Variants in RALYL observed in about 807,000 individuals in gnomAD.
RALYL encodes the protein RNA-binding Raly-like protein.
RALYL carries 29 observed loss-of-function variants against 35.1 expected under a neutral mutation model. That is an observed-to-expected ratio of 0.83 (90% CI 0.61 to 1.13). The LOEUF (loss-of-function observed/expected upper bound fraction) is 1.13. RALYL is among the 50% of genes most tolerant of loss of function. The probability of loss-of-function intolerance (pLI) is 0.00; values close to 1 mark genes in which losing one functional copy is unlikely to be tolerated. For synonymous variants in RALYL, 120 were observed against 127.6 expected, an observed-to-expected ratio of 0.94 and a Z score of 0.40; for missense variants, 359 against 360.4, an observed-to-expected ratio of 1.00 and a Z score of 0.03.
At chr8:84,808,329 T>G (rs965029608) in intron 4 of RALYL, among the ~76,000 whole-genome samples, 3 of 152,210 alleles carry the variant, frequency 2.0e-5, no homozygotes, top group East Asian at 3.9e-4. Flanking sequence ...TTTGGGTTTA[T>G]TTCTGGGTTC....
intron 1 of RALYL, among the ~76,000 whole-genome samples, chr8:84,482,537 C>T (rs185441943): frequency 2.8e-4 from 42 of 152,106 alleles, no homozygotes; most frequent in African/African-American, 9.6e-4. Flanking sequence ...TAAAAAATCT[C>T]CATTAGTCTG....
intron 4 of RALYL, among the ~76,000 whole-genome samples, chr8:84,848,669 A>G (rs1835182806): frequency 6.6e-6 from 1 of 152,182 alleles, no homozygotes; most frequent in African/African-American, 2.4e-5. Flanking sequence ...TAATGAGTAT[A>G]AAGTTTCTGT....
chr8:84,863,036 T>C (rs1838437012), intron 6 of RALYL, among the ~76,000 whole-genome samples: 2 of 152,186 alleles, frequency 1.3e-5, no homozygotes, highest in African/African-American at 4.8e-5. Context: ...ACTAAACACA[T>C]TGCTAAATTT....
At chr8:84,815,187 T>C (rs997912728) in intron 4 of RALYL, among the ~76,000 whole-genome samples, 3 of 152,156 alleles carry the variant, frequency 2.0e-5, no homozygotes, top group Admixed American at 6.6e-5. Context: ...GAGACCAGGA[T>C]AGATGCAAAG....
chr8:84,654,269 C>CCA (rs1829458060), intron 2 of RALYL, among the ~76,000 whole-genome samples: 1 of 29,414 alleles, frequency 3.4e-5, no homozygotes, highest in South Asian at 1.4e-3. Flanking sequence ...ATCTCATGTT[C>CCA]CATATATATA....
chr8:84,449,078 GTT>G (rs1554671924), intron 1 of RALYL, among the ~76,000 whole-genome samples: 28 of 124,200 alleles, frequency 2.3e-4, no homozygotes, highest in Admixed American at 4.0e-4. Flanking sequence ...TAGTTTTTTT[GTT>G]TTTTTTTTTT....
At chr8:84,529,005 A>G (rs1037386664) in intron 1 of RALYL, among the ~76,000 whole-genome samples, 5 of 152,162 alleles carry the variant, frequency 3.3e-5, no homozygotes, top group Admixed American at 6.5e-5. Flanking sequence ...CTTTTGCAAA[A>G]TAGTTAGACT....
At chr8:84,262,983 C>A (rs1832600488) in intron 1 of RALYL, among the ~76,000 whole-genome samples, 1 of 152,062 alleles carries the variant, frequency 6.6e-6, no homozygotes, top group African/African-American at 2.4e-5. Flanking sequence ...GATTAAATTT[C>A]ATTATTGAAC....
chr8:84,421,619 T>C (rs1189152370), intron 1 of RALYL, among the ~76,000 whole-genome samples: 1 of 132,220 alleles, frequency 7.6e-6, no homozygotes, highest in Non-Finnish European at 1.6e-5. Flanking sequence ...CATCCCTGTC[T>C]TGTGCCAGTT....
rs559211501 is a variant in RALYL at position 84,502,232 on chromosome 8, A to G, written c.-23-27067A>G. Among the ~76,000 whole-genome samples the G allele has an allele frequency of 2.4e-3, 359 of 152,140 alleles. 2 individuals carry two copies. Among genetic ancestry groups the G allele is most frequent in the Non-Finnish European group, 2.6e-3 (178 of 67,910 alleles). ...AATCTTTACATATATGTGTGTGTAT[A>G]TATATCTATGACTATATAATATCTT... On this transcript the variant is annotated intron_variant, in intron 1 of 8. Transcript: ENST00000521268.
intron 1 of RALYL, among the ~76,000 whole-genome samples, chr8:84,390,775 C>T (rs1007661559): frequency 2.6e-5 from 4 of 151,828 alleles, no homozygotes; most frequent in Non-Finnish European, 5.9e-5. Flanking sequence ...GATGACTGAG[C>T]CCATGGAAAC....
Position 84,757,437 on chromosome 8 carries a change from G to A in RALYL, c.257-17142G>A, listed in dbSNP as rs80084443. The stretch of plus-strand genomic sequence containing the variant: ...TTCAAATTCTTGGGAAAAAACTGCC[G>A]ATGTGCAGTTTGTATATCTCTTATA... On this transcript the variant is annotated intron_variant, in intron 2 of 8. Coordinates refer to ENST00000521268, the MANE Select transcript of RALYL (RefSeq NM_173848.7). Among the ~76,000 whole-genome samples the A allele has an allele frequency of 3.7e-3, 568 of 152,216 alleles. 23 individuals are homozygous for A. In the East Asian group the frequency reaches 0.095, roughly 25 times the overall value.
intron 2 of RALYL, chr8:84,705,891 T>C: frequency 6.8e-7 from 1 of 1,466,514 alleles, no homozygotes; most frequent in Non-Finnish European, 9.0e-7. Flanking sequence ...GGTATTACCC[T>C]GGCTTTCACT....
intron 2 of RALYL, among the ~76,000 whole-genome samples, chr8:84,568,807 A>T (rs1405643656): frequency 7.5e-5 from 11 of 146,666 alleles, no homozygotes; most frequent in African/African-American, 2.5e-4. Flanking sequence ...GCCAGTGATG[A>T]TGAGCATTTT....
chr8:84,781,049 G>A (rs1043473256), intron 3 of RALYL, among the ~76,000 whole-genome samples: 1 of 151,990 alleles, frequency 6.6e-6, no homozygotes, highest in Non-Finnish European at 1.5e-5. Flanking sequence ...TTTTAGTAGA[G>A]ACAGGATTTC....
chr8:84,672,358 G>A (rs1833428936), intron 2 of RALYL, among the ~76,000 whole-genome samples: 1 of 152,024 alleles, frequency 6.6e-6, no homozygotes, highest in Non-Finnish European at 1.5e-5. Context: ...CTTGTCTTAT[G>A]AGCCTTCCAA....
intron 6 of RALYL, among the ~76,000 whole-genome samples, chr8:84,864,164 CAT>C (rs1838683603): frequency 6.6e-6 from 1 of 151,664 alleles, no homozygotes; most frequent in African/African-American, 2.4e-5. Context: ...GTAAATCACA[CAT>C]GAGGTTTAAT....
At chr8:84,301,096 CA>C (rs1244447096) in intron 1 of RALYL, among the ~76,000 whole-genome samples, 3 of 151,974 alleles carry the variant, frequency 2.0e-5, no homozygotes, top group African/African-American at 7.2e-5. Flanking sequence ...ATTTCCTTAG[CA>C]TTTGCTTTTC....
In RALYL at chr8:84,606,068, G is replaced by T. The variant is rs891475076; in HGVS notation, c.256+76491G>T. Among the ~76,000 whole-genome samples the T allele has an allele frequency of 5.3e-5, 8 of 152,012 alleles. 1 individual carries two copies. Among genetic ancestry groups the T allele is most frequent in the Admixed American group, 5.2e-4 (8 of 15,260 alleles). ...AGTGCATGTTATTAAGATCACAGGA[G>T]GTTTTCAACCCAAATCAGTCCAGCT... On this transcript the variant is annotated intron_variant, in intron 2 of 8. Coordinates refer to ENST00000521268, the MANE Select transcript of RALYL (RefSeq NM_173848.7).
Sources: allele counts gnomAD v4.1 joint callset (sites outside exome capture counted in the v4.1 genomes callset), GRCh38; gene constraint gnomAD v4.1.1; transcripts MANE v1.5; gene names NCBI Gene and HGNC (gene_info 2026-07-23, HGNC 2026-07-21).